Variants in CNNM4 observed in about 807,000 individuals in gnomAD.
CNNM4 encodes the protein cyclin and CBS domain divalent metal cation transport mediator 4, also known as metal transporter CNNM4.
In CNNM4, 32 loss-of-function variants were observed where a neutral mutation model predicts 53.7. The ratio of observed to expected loss-of-function variants is 0.60; its 90% CI spans 0.45 to 0.80. The LOEUF (loss-of-function observed/expected upper bound fraction) is 0.80, where lower values mean the gene tolerates loss of function less well. Ranked by LOEUF, CNNM4 falls within the 30% of genes least tolerant of loss-of-function variation. CNNM4 has a pLI of 0.00. For synonymous variants in CNNM4, 410 were observed against 440.0 expected, an observed-to-expected ratio of 0.93 and a Z score of 0.85; for missense variants, 784 against 1,022.0, an observed-to-expected ratio of 0.77 and a Z score of 3.17.
rs115538141 is a variant in CNNM4 at position 96,797,291 on chromosome 2, C to T, written c.1546+136C>T. ...AGGCCCAGTGGCTGGGTGCCCTGCACTGGCCGGGGTGAGCAGGGAGCAGGT... is the reference window on the plus strand; with the variant it reads ...AGGCCCAGTGGCTGGGTGCCCTGCATTGGCCGGGGTGAGCAGGGAGCAGGT... On this transcript the variant is annotated intron_variant, in intron 2 of 6. Transcript: ENST00000377075. The surrounding 1 kb of genome is among the most constrained non-coding windows in gnomAD (Gnocchi z 6.0). 2 of 1,393,444 alleles carry T rather than the reference C, an allele frequency of 1.4e-6. No individual in the cohort carries two copies. The highest frequency in any genetic ancestry group is 2.3e-5 in the East Asian group (1 of 43,008). 86.3% of individuals were successfully genotyped at this position (1,393,444 alleles called of 1,614,324 possible).
At chr2:96,764,299 A>C (rs2078793148) in intron 1 of CNNM4, among the ~76,000 whole-genome samples, 1 of 152,086 alleles carries the variant, frequency 6.6e-6, no homozygotes, top group African/African-American at 2.4e-5. Context: ...CAGAGCTAGC[A>C]TCTCTTAGGC....
chr2:96,765,797 CTTT>C (rs749321221), intron 1 of CNNM4, among the ~76,000 whole-genome samples: 2 of 125,378 alleles, frequency 1.6e-5, no homozygotes, highest in Admixed American at 7.7e-5. Context: ...TTCTTTCTTT[CTTT>C]TTTTTTTTTT....
intron 5 of CNNM4, among the ~76,000 whole-genome samples, chr2:96,806,345 C>CTT (rs540502738): frequency 6.7e-6 from 1 of 149,290 alleles, no homozygotes; most frequent in African/African-American, 2.5e-5. Context: ...ACTTCTCTCT[C>CTT]TTTTTTTTTT....
At chr2:96,791,202 T>A (rs998535518) in intron 1 of CNNM4, among the ~76,000 whole-genome samples, 1 of 151,902 alleles carries the variant, frequency 6.6e-6, no homozygotes, top group African/African-American at 2.4e-5. Flanking sequence ...CTCAGGAGGC[T>A]GGTGATCCAC....
At position 96,801,160 on chromosome 2, in the gene CNNM4, G is replaced by A. The variant is rs934046636; in HGVS notation, c.1948+1512G>A. On this transcript the variant is annotated intron_variant, in intron 5 of 6. Coordinates refer to ENST00000377075, the MANE Select transcript of CNNM4 (RefSeq NM_020184.4). This position sits in a 1 kb window ranked among gnomAD's most constrained non-coding sequence, Gnocchi z 5.6. ...GTAACGTGGCACAGCTGAGGGTCAC[G>A]CTGCCACCTGCTGCCTGTGCCTGCA... is the stretch of plus-strand genomic sequence containing the variant. The A allele has an allele frequency of 8.6e-5, 84 of 975,398 alleles. No homozygotes were observed. In the Admixed American group the frequency reaches 9.2e-4, roughly 11 times the overall value. 60.4% of individuals were successfully genotyped at this position (975,398 alleles called of 1,614,324 possible).
intron 1 of CNNM4, among the ~76,000 whole-genome samples, chr2:96,785,943 C>T (rs1027606277): frequency 2.0e-5 from 3 of 151,552 alleles, no homozygotes; most frequent in South Asian, 4.2e-4. Context: ...AAAAATTAGC[C>T]GGGCATGGTG....
chr2:96,787,899 C>A (rs1231343169), intron 1 of CNNM4, among the ~76,000 whole-genome samples: 3 of 152,108 alleles, frequency 2.0e-5, no homozygotes, highest in African/African-American at 7.2e-5. Flanking sequence ...GTCCATTGTT[C>A]TCTCCAGTAC....
At chr2:96,767,846 G>A (rs1435433172) in intron 1 of CNNM4, among the ~76,000 whole-genome samples, 1 of 152,160 alleles carries the variant, frequency 6.6e-6, no homozygotes, top group African/African-American at 2.4e-5. Context: ...TCTTTGGGTG[G>A]GTCACTTGAG....
chr2:96,807,296 G>A (rs1176604072), intron 5 of CNNM4, among the ~76,000 whole-genome samples: 3 of 152,046 alleles, frequency 2.0e-5, no homozygotes, highest in Admixed American at 6.6e-5. Flanking sequence ...GAGCCACCTC[G>A]CCCAGCCCCT....
At chr2:96,777,650 G>T (rs2153346132) in intron 1 of CNNM4, among the ~76,000 whole-genome samples, 1 of 152,252 alleles carries the variant, frequency 6.6e-6, no homozygotes, top group African/African-American at 2.4e-5. Context: ...ACAAGCGTGT[G>T]CCACCACACC....
intron 1 of CNNM4, among the ~76,000 whole-genome samples, chr2:96,784,159 C>T (rs962406021): frequency 1.3e-5 from 2 of 152,084 alleles, no homozygotes; most frequent in Non-Finnish European, 2.9e-5. Flanking sequence ...CTCAGCTCCT[C>T]AGGAGGCTGA....
intron 1 of CNNM4, among the ~76,000 whole-genome samples, chr2:96,780,886 G>A (rs531294873): frequency 2.1e-4 from 30 of 140,032 alleles, no homozygotes; most frequent in Non-Finnish European, 3.5e-4. Flanking sequence ...CTACAGGCGC[G>A]TACCACCACA....
intron 3 of CNNM4, among the ~76,000 whole-genome samples, 163 bp from the exon 4 acceptor site, chr2:96,798,894 G>A (rs1413762665): frequency 1.3e-5 from 2 of 152,182 alleles, no homozygotes; most frequent in Non-Finnish European, 2.9e-5. Flanking sequence ...GAAGCCAAGC[G>A]TGCTCCCTCC....
chr2:96,806,492 T>C (rs1308552786), intron 5 of CNNM4, among the ~76,000 whole-genome samples: 1 of 145,488 alleles, frequency 6.9e-6, no homozygotes, highest in Non-Finnish European at 1.5e-5. Flanking sequence ...CTCTTCTTCC[T>C]TCCCTAGCTA....
At chr2:96,805,401 AC>A (rs1188066842) in intron 5 of CNNM4, among the ~76,000 whole-genome samples, 1 of 117,084 alleles carries the variant, frequency 8.5e-6, no homozygotes, top group African/African-American at 3.2e-5. Context: ...CTGTTGTTAT[AC>A]CCTGGCTTCT....
Position 96,797,442 on chromosome 2 carries a change from G to A in CNNM4, c.1547-71G>A, listed in dbSNP as rs988110344. On this transcript the variant is annotated intron_variant, in intron 2 of 6. Transcript: ENST00000377075. This position sits in a 1 kb window ranked among gnomAD's most constrained non-coding sequence, Gnocchi z 6.0. Reference sequence around the variant, plus strand: ...CTAGGGGCTGGAGAGCAGGAGCTGCGGGGCGGGTTCCAGTCTCTTCCTAAG... The same window carrying A: ...CTAGGGGCTGGAGAGCAGGAGCTGCAGGGCGGGTTCCAGTCTCTTCCTAAG... 20 of 1,594,628 alleles carry A rather than the reference G, an allele frequency of 1.3e-5. No homozygotes were observed. The highest frequency in any genetic ancestry group is 1.2e-4 in the African/African-American group (9 of 74,702).
Position 96,761,406 on chromosome 2 carries a change from C to T in CNNM4, c.407C>T (p.Thr136Ile), listed in dbSNP as rs765710051. 1.2e-6 allele frequency: 2 copies of T among 1,614,112 alleles called. No homozygotes were observed. Among genetic ancestry groups the T allele is most frequent in the Non-Finnish European group, 1.7e-6 (2 of 1,180,036 alleles). Reference protein sequence around the residue: ...GNTSGVLVVLTKFLRRSESMK... With the variant: ...GNTSGVLVVLIKFLRRSESMK... Reference sequence around the variant, plus strand: ...ACGTCCGGCGTGCTGGTGGTGCTCACCAAGTTCCTCCGGAGGAGCGAGAGC... The same window carrying T: ...ACGTCCGGCGTGCTGGTGGTGCTCATCAAGTTCCTCCGGAGGAGCGAGAGC... Residue 136 changes from threonine to isoleucine, a missense_variant, in exon 1 of 7, where the codon ACC becomes ATC. Transcript: ENST00000377075. This position sits in a 1 kb window ranked among gnomAD's most constrained non-coding sequence, Gnocchi z 6.0.
Position 96,760,961 on chromosome 2 carries a change from T to TGGCGC in CNNM4, c.-36_-32dup. ...CGGTGCGGACCGGGGCCGCGCGGCG[T>TGGCGC]GGCGCGGGGAGCGGCGGCGGCGGCA... is the stretch of plus-strand genomic sequence containing the variant. On this transcript the variant is annotated 5_prime_UTR_variant, in exon 1 of 7. Coordinates refer to ENST00000377075, the MANE Select transcript of CNNM4 (RefSeq NM_020184.4). The TGGCGC allele has an allele frequency of 3.1e-6, 3 of 974,000 alleles. No homozygotes were observed. The highest frequency in any genetic ancestry group is 1.8e-5 in the African/African-American group (1 of 54,928). The allele number at this position is 974,000 out of a possible 1,614,324, so 60.3% of individuals were successfully genotyped here. A position where few individuals can be genotyped will look rare whatever the true frequency, so the allele number is the denominator to read the frequency against.
intron 5 of CNNM4, among the ~76,000 whole-genome samples, chr2:96,806,071 AG>A (rs1227649281): frequency 1.4e-5 from 2 of 139,662 alleles, no homozygotes; most frequent in African/African-American, 3.2e-5. Flanking sequence ...CTGGCCGGGC[AG>A]GGGGGCTGAC....
Sources: allele counts gnomAD v4.1 joint callset (sites outside exome capture counted in the v4.1 genomes callset), GRCh38; gene constraint gnomAD v4.1.1; non-coding constraint Gnocchi (gnomAD v3.1); transcripts MANE v1.5; gene names NCBI Gene and HGNC (gene_info 2026-07-23, HGNC 2026-07-21).